The following SLCO2B1 variants were observed in gnomAD, a reference collection of about 807,000 sequenced individuals.
The protein encoded by SLCO2B1 is solute carrier organic anion transporter family member 2B1, also known as OATP-RP2.
SLCO2B1 carries 41 observed loss-of-function variants against 67.3 expected under a neutral mutation model. The observed-to-expected ratio is 0.61, with a 90% CI of 0.47 to 0.79. The LOEUF (loss-of-function observed/expected upper bound fraction) is 0.79, where lower values mean the gene tolerates loss of function less well. SLCO2B1 is among the 30% of genes least tolerant of loss of function. The pLI is 0.00. For missense variants in SLCO2B1, 837 were observed against 920.1 expected (o/e 0.91, Z 1.17); for synonymous variants, 379 against 381.4 (o/e 0.99, Z 0.07).
chr11:75,193,155 G>A lies in SLCO2B1; in HGVS notation c.1076-63G>A, dbSNP rs1040379522. 1.5e-5 allele frequency: 18 copies of A among 1,218,524 alleles called. No individual in the cohort carries two copies. Among genetic ancestry groups the A allele is most frequent in the Non-Finnish European group, 2.1e-5 (18 of 857,202 alleles). The allele number at this position is 1,218,524 out of a possible 1,614,324, so 75.5% of individuals were successfully genotyped here. Reference sequence around the variant, plus strand: ...CTGCTTGAACTGAGCAGGGCAGGAGGGCAGTCTCTGCTGGACAGCTTGGCT... The same window carrying A: ...CTGCTTGAACTGAGCAGGGCAGGAGAGCAGTCTCTGCTGGACAGCTTGGCT... On this transcript the variant is annotated intron_variant, in intron 8 of 13. Coordinates refer to ENST00000289575, the MANE Select transcript of SLCO2B1 (RefSeq NM_007256.5). This position sits in a 1 kb window ranked among gnomAD's most constrained non-coding sequence, Gnocchi z 4.2.
At chr11:75,188,959 A>G (rs758997691) in intron 8 of SLCO2B1, among the ~76,000 whole-genome samples, 1 of 152,164 alleles carries the variant, frequency 6.6e-6, no homozygotes, top group Admixed American at 6.5e-5. Context: ...ATGGGAGGCC[A>G]TCGGGAAATT....
intron 7 of SLCO2B1, among the ~76,000 whole-genome samples, chr11:75,176,873 C>G (rs113930886): frequency 1.4e-3 from 207 of 152,292 alleles, no homozygotes; most frequent in African/African-American, 4.8e-3. Flanking sequence ...CCTGCTGCAT[C>G]TCACTGACGG....
chr11:75,164,142 G>T, intron 3 of SLCO2B1, 42 bp downstream of exon 3: 1 of 1,584,268 alleles, frequency 6.3e-7, no homozygotes, highest in South Asian at 1.2e-5. Flanking sequence ...ACTGAGGGAG[G>T]CTTGCACCGC....
intron 1 of SLCO2B1, among the ~76,000 whole-genome samples, chr11:75,155,278 C>A (rs892286204): frequency 2.6e-5 from 4 of 152,048 alleles, no homozygotes; most frequent in African/African-American, 9.7e-5. Context: ...GGAGACATGC[C>A]CCCTTCCTGC....
Position 75,153,837 on chromosome 11 carries a change from A to G in SLCO2B1, c.16+2440A>G, listed in dbSNP as rs1949717361. ...AAGGCAATTGGGAGCTATAGAAAGT[A>G]TCTGAGGAGGAAGTGGCCCTGCTTC... On this transcript the variant is annotated intron_variant, in intron 1 of 13. Coordinates refer to ENST00000289575, the MANE Select transcript of SLCO2B1 (RefSeq NM_007256.5). Among the ~76,000 whole-genome samples the G allele has an allele frequency of 1.3e-5, 2 of 151,804 alleles. 1 individual carries two copies. The highest frequency in any genetic ancestry group is 4.2e-4 in the South Asian group (2 of 4,810).
Position 75,162,599 on chromosome 11 carries a change from C to T in SLCO2B1, c.17-56C>T. 2.5e-6 allele frequency: 4 copies of T among 1,576,552 alleles called. No individual in the cohort carries two copies. The Middle Eastern group carries it at 6.8e-4, about 270-fold the overall frequency. On this transcript the variant is annotated intron_variant, in intron 1 of 13. Transcript: ENST00000289575. ...GAGGTCTAGGGCTATCTAATCAGGT[C>T]AGGGCCATTCTCGGGGATTCTATCT...
At chr11:75,195,435 G>C (rs546312979) in intron 9 of SLCO2B1, among the ~76,000 whole-genome samples, 1 of 152,012 alleles carries the variant, frequency 6.6e-6, no homozygotes. Context: ...AGAGGAGGAA[G>C]AGGAAATATT....
chr11:75,164,905 G>A (rs1476330538), intron 3 of SLCO2B1, among the ~76,000 whole-genome samples: 4 of 152,074 alleles, frequency 2.6e-5, no homozygotes, highest in South Asian at 2.1e-4. Context: ...CTATGAATAC[G>A]GCCACTATGG....
chr11:75,176,215 T>C (rs368786537), intron 7 of SLCO2B1, among the ~76,000 whole-genome samples: 208 of 152,272 alleles, frequency 1.4e-3, no homozygotes, highest in African/African-American at 4.7e-3. Flanking sequence ...GTCCCTGTGG[T>C]AGTGGTGCTC....
rs548505983 is a variant in SLCO2B1, at chr11:75,177,277, G to A, written c.972+4708G>A. Among the ~76,000 whole-genome samples, 11 of 152,258 alleles carry A rather than the reference G, an allele frequency of 7.2e-5. No homozygotes were observed. The East Asian group carries it at 2.1e-3, about 29-fold the overall frequency. The stretch of plus-strand genomic sequence containing the variant: ...AATCTAAAGAATAAGATTTCAGTTG[G>A]GAAAAGGGTTCTGTTCCTAAAAACC... On this transcript the variant is annotated intron_variant, in intron 7 of 13. Transcript: ENST00000289575.
intron 8 of SLCO2B1, among the ~76,000 whole-genome samples, chr11:75,191,670 C>G (rs1474149300): frequency 6.6e-6 from 1 of 152,202 alleles, no homozygotes; most frequent in Non-Finnish European, 1.5e-5. Context: ...ACAGAAGGAG[C>G]CCCCACCTGG....
chr11:75,154,651 C>G lies in SLCO2B1; in HGVS notation c.16+3254C>G, dbSNP rs572090165. 2.0e-5 allele frequency among the ~76,000 whole-genome samples: 3 copies of G among 152,376 alleles called. No individual in the cohort carries two copies. The East Asian group carries it at 5.8e-4, about 29-fold the overall frequency. On this transcript the variant is annotated intron_variant, in intron 1 of 13. Transcript: ENST00000289575. ...GAGCCCTTCCTGGCCTCCTCTTCCC[C>G]TCTTTCTGGACAAATCTGTACTGAA...
In SLCO2B1 at chr11:75,165,967, T is replaced by A. The variant is rs777787645; in HGVS notation, c.448+18T>A. The A allele has an allele frequency of 4.4e-6, 7 of 1,607,742 alleles. No homozygotes were observed. Among genetic ancestry groups the A allele is most frequent in the Middle Eastern group, 1.7e-4 (1 of 5,856 alleles). On this transcript the variant is annotated intron_variant, in intron 4 of 13. Transcript: ENST00000289575. Reference sequence around the variant, plus strand: ...CAGCCCTGGTAAGAGCAGCAGGGGCTGGGCAGGAGTGGGACGTTAGCCTCT... The same window carrying A: ...CAGCCCTGGTAAGAGCAGCAGGGGCAGGGCAGGAGTGGGACGTTAGCCTCT...
intron 7 of SLCO2B1, among the ~76,000 whole-genome samples, chr11:75,175,564 A>G (rs1950013165): frequency 6.6e-6 from 1 of 152,116 alleles, no homozygotes; most frequent in African/African-American, 2.4e-5. Context: ...GGAGATTGGC[A>G]GTTTGTAATA....
intron 1 of SLCO2B1, among the ~76,000 whole-genome samples, chr11:75,161,736 GGCTGCCAGGAGGAGCAGGTGGTTTC>G (rs1387968444): frequency 6.6e-6 from 1 of 152,186 alleles, no homozygotes; most frequent in Non-Finnish European, 1.5e-5. Flanking sequence ...AGGAGGCCTG[GGCTGCCAGGAGGAGCAGGTGGTTTC>G]AGTCTAAATA....
intron 8 of SLCO2B1, among the ~76,000 whole-genome samples, chr11:75,191,471 G>A (rs1452849187): frequency 2.6e-5 from 4 of 152,192 alleles, no homozygotes; most frequent in South Asian, 2.1e-4. Flanking sequence ...AGGCAGGCCT[G>A]GCACAGAAAA....
In SLCO2B1 at chr11:75,205,496, ACCAAAGT is replaced by A. The variant is rs1455099361; in HGVS notation, c.*919_*925del. 6.6e-6 allele frequency: 1 copy of A among 152,278 alleles called. No individual in the cohort carries two copies. Among genetic ancestry groups the A allele is most frequent in the East Asian group, 1.9e-4 (1 of 5,200 alleles). The allele number at this position is 152,278 out of a possible 1,614,324, so 9.4% of individuals were successfully genotyped here. A position where few individuals can be genotyped will look rare whatever the true frequency, so the allele number is the denominator to read the frequency against. ...GATTTCACACATGTGACCAGGGGCC[ACCAAAGT>A]CCCTGTGACCTTTGTGACTAGGATC... On this transcript the variant is annotated 3_prime_UTR_variant, in exon 14 of 14. Transcript: ENST00000289575.
At chr11:75,200,468 A>G in intron 11 of SLCO2B1, 81 bp downstream of exon 11, 1 of 1,430,226 alleles carries the variant, frequency 7.0e-7, no homozygotes, top group South Asian at 1.4e-5. Context: ...CCAAGGACGG[A>G]GTTCAAGAAA....
intron 1 of SLCO2B1, among the ~76,000 whole-genome samples, chr11:75,153,636 T>C (rs912071085): frequency 1.3e-5 from 2 of 152,186 alleles, no homozygotes; most frequent in Admixed American, 1.3e-4. Context: ...GAGATAGCAC[T>C]GCAAATGCTT....
Sources: gnomAD v4.1 joint callset for allele counts (sites outside exome capture counted in the v4.1 genomes callset) on GRCh38, gnomAD v4.1.1 for gene constraint, Gnocchi (gnomAD v3.1) non-coding constraint, MANE v1.5 for transcripts, NCBI Gene and HGNC (gene_info 2026-07-23, HGNC 2026-07-21) for gene names.